SHROOM3: variants seen among roughly 807,000 people sequenced by gnomAD.
SHROOM3 encodes the protein shroom family member 3.
A neutral mutation model predicts 138.6 loss-of-function variants in SHROOM3; 47 were observed. The observed-to-expected ratio is 0.34, with a 90% CI of 0.27 to 0.43. The LOEUF (loss-of-function observed/expected upper bound fraction) is 0.43. SHROOM3 is among the 20% of genes least tolerant of loss of function. SHROOM3 has a pLI of 1.00. For synonymous variants in SHROOM3, 1,062 were observed against 1,063.3 expected (o/e 1.00, Z 0.02); for missense variants, 2,491 against 2,596.5 (o/e 0.96, Z 0.88).
At chr4:76,521,070 T>A (rs1001712375) in intron 1 of SHROOM3, among the ~76,000 whole-genome samples, 2 of 152,250 alleles carry the variant, frequency 1.3e-5, no homozygotes, top group Admixed American at 1.3e-4. Flanking sequence ...GCAAATCATA[T>A]GCCTTCATTA....
chr4:76,458,363 A>G (rs766583956), intron 1 of SHROOM3, among the ~76,000 whole-genome samples: 16 of 152,110 alleles, frequency 1.1e-4, no homozygotes, highest in South Asian at 2.1e-4. Flanking sequence ...AGTGATTCAT[A>G]TTTTCCTCTT....
rs747906408 is a variant in SHROOM3 at position 76,739,370 on chromosome 4, G to A, written c.1197G>A (p.Glu399=). 8.1e-6 allele frequency: 13 copies of A among 1,614,038 alleles called. No homozygotes were observed. Among genetic ancestry groups the A allele is most frequent in the African/African-American group, 2.7e-5 (2 of 74,940 alleles). The change falls in exon 5 of 11, where the codon GAG becomes GAA. Residue 399 remains glutamate (E), a synonymous_variant. Transcript: ENST00000296043. Reference sequence around the variant, plus strand: ...GTTACGCAGCATTTCGGCACCGTGAGCGGCCCAGCTCCTGGTCTAGCCTTG... The same window carrying A: ...GTTACGCAGCATTTCGGCACCGTGAACGGCCCAGCTCCTGGTCTAGCCTTG... The part of the protein sequence containing the change: ...SDSYAAFRHR[E]RPSSWSSLDQ...
chr4:76,627,355 ACC>A (rs1735176008), intron 2 of SHROOM3, among the ~76,000 whole-genome samples: 6 of 152,166 alleles, frequency 3.9e-5, no homozygotes, highest in Admixed American at 3.9e-4. Flanking sequence ...ATAACATACA[ACC>A]CAACAGCCAT....
chr4:76,525,546 C>T (rs1732671444), intron 1 of SHROOM3, among the ~76,000 whole-genome samples: 1 of 152,200 alleles, frequency 6.6e-6, no homozygotes, highest in Admixed American at 6.5e-5. Context: ...GTGGTGTTAA[C>T]ATGCATTGCC....
At chr4:76,548,753 G>A (rs7654608) in intron 1 of SHROOM3, among the ~76,000 whole-genome samples, 84,064 of 152,044 alleles carry the variant, frequency 0.55, 23,386 homozygotes, top group Non-Finnish European at 0.58. Flanking sequence ...TCAAAGCAAA[G>A]TCGACTTCTC....
chr4:76,627,924 C>T (rs1735194355), intron 2 of SHROOM3, among the ~76,000 whole-genome samples: 2 of 152,136 alleles, frequency 1.3e-5, no homozygotes, highest in South Asian at 4.1e-4. Flanking sequence ...TAAATATTAG[C>T]CCCAAGTTAG....
chr4:76,682,580 G>T (rs1215232193), intron 2 of SHROOM3, among the ~76,000 whole-genome samples: 1 of 151,898 alleles, frequency 6.6e-6, no homozygotes, highest in African/African-American at 2.4e-5. Context: ...CATATAACAG[G>T]TTCTCAGTAG....
chr4:76,721,507 G>A (rs115886464), intron 3 of SHROOM3, among the ~76,000 whole-genome samples: 81 of 152,290 alleles, frequency 5.3e-4, no homozygotes, highest in Non-Finnish European at 7.8e-4. Context: ...GTATGAGGAA[G>A]CTCTGTAAAT....
chr4:76,770,159 C>T (rs1316770169), intron 9 of SHROOM3, among the ~76,000 whole-genome samples: 3 of 151,772 alleles, frequency 2.0e-5, no homozygotes, highest in African/African-American at 7.2e-5. Context: ...CCCATCTCTA[C>T]TAAAAATACA....
At chr4:76,710,014 C>G (rs1405436418) in intron 2 of SHROOM3, 142 bp from the exon 3 acceptor site, 2 of 1,045,684 alleles carry the variant, frequency 1.9e-6, no homozygotes, top group Non-Finnish European at 2.9e-6. Flanking sequence ...TAGGTGCAGG[C>G]TTAGAACCCT....
chr4:76,571,382 T>A (rs1322938930), intron 2 of SHROOM3, among the ~76,000 whole-genome samples: 1 of 152,062 alleles, frequency 6.6e-6, no homozygotes, highest in African/African-American at 2.4e-5. Flanking sequence ...AGAAGAGGAG[T>A]TGGGCTTGGC....
chr4:76,692,146 G>C (rs1719571218), intron 2 of SHROOM3, among the ~76,000 whole-genome samples: 2 of 152,236 alleles, frequency 1.3e-5, no homozygotes, highest in South Asian at 4.1e-4. Context: ...TTGGGAGGTA[G>C]AGCCTGGTGG....
intron 2 of SHROOM3, among the ~76,000 whole-genome samples, chr4:76,616,645 A>T (rs1734887658): frequency 6.6e-6 from 1 of 152,164 alleles, no homozygotes; most frequent in African/African-American, 2.4e-5. Context: ...TTGAGAGAAA[A>T]AGTAGAATGG....
At chr4:76,449,335 G>A (rs141050225) in intron 1 of SHROOM3, among the ~76,000 whole-genome samples, 23 of 152,286 alleles carry the variant, frequency 1.5e-4, no homozygotes, top group South Asian at 1.0e-3. Context: ...AAAAAGAAAA[G>A]TGGATACATA....
chr4:76,560,477 A>C (rs1733576266), intron 2 of SHROOM3, among the ~76,000 whole-genome samples: 1 of 152,202 alleles, frequency 6.6e-6, no homozygotes, highest in Non-Finnish European at 1.5e-5. Flanking sequence ...CCTTAGAATC[A>C]ATGAATCCTT....
At chr4:76,497,188 T>C (rs1010658631) in intron 1 of SHROOM3, among the ~76,000 whole-genome samples, 4 of 152,254 alleles carry the variant, frequency 2.6e-5, no homozygotes, top group Non-Finnish European at 4.4e-5. Flanking sequence ...GTATGATTTC[T>C]GATTTCACAG....
At chr4:76,695,705 G>A (rs1340078468) in intron 2 of SHROOM3, among the ~76,000 whole-genome samples, 1 of 152,182 alleles carries the variant, frequency 6.6e-6, no homozygotes, top group Non-Finnish European at 1.5e-5. Flanking sequence ...GTTCCTATAT[G>A]AGCCTTTTCA....
chr4:76,589,336 G>A (rs999862467), intron 2 of SHROOM3, among the ~76,000 whole-genome samples: 15 of 152,104 alleles, frequency 9.9e-5, no homozygotes, highest in Non-Finnish European at 1.8e-4. Context: ...GCTTGGTGGC[G>A]CATGCCTGTA....
chr4:76,543,388 C>A (rs541158181), intron 1 of SHROOM3, among the ~76,000 whole-genome samples: 1 of 152,060 alleles, frequency 6.6e-6, no homozygotes, highest in South Asian at 2.1e-4. Context: ...TGGAGGTATA[C>A]GAGCGTGTGG....
Sources: allele counts gnomAD v4.1 joint callset (sites outside exome capture counted in the v4.1 genomes callset), GRCh38; gene constraint gnomAD v4.1.1; transcripts MANE v1.5; gene names NCBI Gene and HGNC (gene_info 2026-07-23, HGNC 2026-07-21).